CFAP58: variants seen among roughly 807,000 people sequenced by gnomAD.
CFAP58 encodes cilia and flagella associated protein 58, also known as cilia- and flagella-associated protein 58.
In CFAP58, 88 loss-of-function variants were observed where a neutral mutation model predicts 119.5. That is an observed-to-expected ratio of 0.74 (90% confidence interval 0.62 to 0.88). The LOEUF is 0.88. CFAP58 is among the 40% of genes least tolerant of loss of function. The pLI is 0.00. For synonymous variants in CFAP58, 365 were observed against 366.3 expected (o/e 1.00, Z 0.04); for missense variants, 990 against 1,021.2 (o/e 0.97, Z 0.42).
chr10:104,417,132 G>T (rs1257169003), intron 15 of CFAP58, among the ~76,000 whole-genome samples: 1 of 152,238 alleles, frequency 6.6e-6, no homozygotes, highest in African/African-American at 2.4e-5. Context: ...TCATGCTCTA[G>T]AAGTTGGTTT....
chr10:104,359,476 A>C (rs1225676686), intron 2 of CFAP58, among the ~76,000 whole-genome samples: 5 of 152,228 alleles, frequency 3.3e-5, no homozygotes, highest in Non-Finnish European at 7.3e-5. Flanking sequence ...GTCATTTTAT[A>C]ATGGAAAAAA....
At chr10:104,368,339 G>A in intron 5 of CFAP58, 84 bp from the exon 6 acceptor site, 5 of 1,323,026 alleles carry the variant, frequency 3.8e-6, no homozygotes, top group Non-Finnish European at 4.2e-6. Context: ...ATCTTCCCAG[G>A]AGGTTTGTGG....
At chr10:104,425,039 C>G (rs77560371) in intron 15 of CFAP58, among the ~76,000 whole-genome samples, 1 of 152,188 alleles carries the variant, frequency 6.6e-6, no homozygotes, top group Admixed American at 6.5e-5. Flanking sequence ...GTGACTCCAG[C>G]TGTAAGGCAG....
chr10:104,370,387 C>T (rs990924595), intron 6 of CFAP58, among the ~76,000 whole-genome samples: 3 of 152,168 alleles, frequency 2.0e-5, no homozygotes, highest in African/African-American at 7.2e-5. Context: ...GGAGGCCTCA[C>T]AATCATGGTG....
chr10:104,454,406 A>T lies in CFAP58; in HGVS notation c.2511-16A>T, dbSNP rs1224099112. ...AAGGATGTTAAGGAAGCTAACTTTC[A>T]CCTCCTCTCTTACAGAAACAAGGAC... is the stretch of plus-strand genomic sequence containing the variant. On this transcript the variant is annotated splice_polypyrimidine_tract_variant and intron_variant, in intron 17 of 17. Transcript: ENST00000369704. 6.3e-7 allele frequency: 1 copy of T among 1,590,732 alleles called. No homozygotes were observed.
intron 5 of CFAP58, 145 bp from the exon 6 acceptor site, chr10:104,368,278 A>T (rs1211440127): frequency 1.0e-5 from 7 of 675,988 alleles, no homozygotes; most frequent in East Asian, 2.8e-5. Context: ...TAGTGCTTTC[A>T]TCGGGAATAA....
chr10:104,358,504 A>T lies in CFAP58; in HGVS notation c.173A>T (p.Lys58Met), dbSNP rs1188915390. 6.2e-7 allele frequency: 1 copy of T among 1,614,148 alleles called. No homozygotes were observed. The highest frequency in any genetic ancestry group is 1.1e-5 in the South Asian group (1 of 91,084). ...AVMKKSYDNE[K>M]RLMAKCRELN... ...ATGAAAAAGTCTTATGACAATGAAA[A>T]GCGTCTGATGGCCAAATGCAGAGAG... The change falls in exon 2 of 18, where the codon AAG becomes ATG. Residue 58 changes from lysine to methionine, a missense_variant. Lys to Met is a moderately conservative substitution (Grantham distance 95). Coordinates refer to ENST00000369704, the MANE Select transcript of CFAP58 (RefSeq NM_001008723.2).
intron 7 of CFAP58, among the ~76,000 whole-genome samples, chr10:104,371,664 G>A (rs2014825393): frequency 6.6e-6 from 1 of 152,138 alleles, no homozygotes; most frequent in Admixed American, 6.5e-5. Context: ...GGTGGTTGGG[G>A]GTGAAATAAG....
chr10:104,383,213 G>C (rs1376841419), intron 9 of CFAP58, among the ~76,000 whole-genome samples: 1 of 152,084 alleles, frequency 6.6e-6, no homozygotes, highest in Non-Finnish European at 1.5e-5. Context: ...GTTCCTTATG[G>C]GCAGAGCTTG....
intron 8 of CFAP58, among the ~76,000 whole-genome samples, chr10:104,378,080 T>G (rs1319108818): frequency 2.0e-5 from 3 of 152,232 alleles, no homozygotes; most frequent in Non-Finnish European, 4.4e-5. Context: ...TTGATTAATG[T>G]CAATTCTTCC....
At chr10:104,358,979 C>A (rs2014632906) in intron 2 of CFAP58, among the ~76,000 whole-genome samples, 1 of 152,116 alleles carries the variant, frequency 6.6e-6, no homozygotes, top group Non-Finnish European at 1.5e-5. Context: ...AAGATATTTT[C>A]ATATTTCTGC....
At chr10:104,407,033 A>G (rs1227942776) in intron 15 of CFAP58, among the ~76,000 whole-genome samples, 1 of 152,228 alleles carries the variant, frequency 6.6e-6, no homozygotes, top group Non-Finnish European at 1.5e-5. Context: ...TGCAATGGGT[A>G]ATGTGAGCAA....
At chr10:104,423,107 T>C (rs2012687331) in intron 15 of CFAP58, among the ~76,000 whole-genome samples, 1 of 152,238 alleles carries the variant, frequency 6.6e-6, no homozygotes, top group South Asian at 2.1e-4. Context: ...TTTCGTTTAA[T>C]TTTTTATTCC....
chr10:104,394,387 A>G (rs1475855779), intron 11 of CFAP58, among the ~76,000 whole-genome samples: 1 of 152,240 alleles, frequency 6.6e-6, no homozygotes, highest in East Asian at 1.9e-4. Flanking sequence ...TTTACAACAA[A>G]TTAGAGACTG....
intron 8 of CFAP58, among the ~76,000 whole-genome samples, chr10:104,378,332 A>G (rs916800578): frequency 6.6e-6 from 1 of 151,996 alleles, no homozygotes; most frequent in Non-Finnish European, 1.5e-5. Flanking sequence ...CTTTTATAGA[A>G]CAAATGTTTA....
the CFAP58 span, among the ~76,000 whole-genome samples, chr10:104,339,786 G>A: frequency 6.6e-6 from 1 of 152,218 alleles, no homozygotes; most frequent in Non-Finnish European, 1.5e-5. Flanking sequence ...TTGGGGGCCA[G>A]TATGTGTGTT....
At chr10:104,395,651 A>G (rs909405771) in intron 11 of CFAP58, among the ~76,000 whole-genome samples, 1 of 152,330 alleles carries the variant, frequency 6.6e-6, no homozygotes, top group Non-Finnish European at 1.5e-5. Context: ...TTAGCCTAAG[A>G]ATGAATCACA....
chr10:104,373,928 A>T (rs2133001662), intron 7 of CFAP58, among the ~76,000 whole-genome samples: 2 of 152,330 alleles, frequency 1.3e-5, no homozygotes, highest in Middle Eastern at 6.8e-3. Flanking sequence ...CATCTAAGGT[A>T]AGGTGTTGTT....
chr10:104,444,552 T>G (rs1002779296), intron 15 of CFAP58, among the ~76,000 whole-genome samples: 4 of 152,200 alleles, frequency 2.6e-5, no homozygotes, highest in African/African-American at 9.6e-5. Flanking sequence ...AGAAATAAAT[T>G]GGAAGACAAT....
Sources: allele counts gnomAD v4.1 joint callset (sites outside exome capture counted in the v4.1 genomes callset), GRCh38; gene constraint gnomAD v4.1.1; transcripts MANE v1.5; gene names NCBI Gene and HGNC (gene_info 2026-07-23, HGNC 2026-07-21).